The following ANO3 variants were observed in gnomAD, a reference collection of about 807,000 sequenced individuals.
ANO3 encodes anoctamin 3.
In ANO3, 99 loss-of-function variants were observed where a neutral mutation model predicts 144.8. That is an observed-to-expected ratio of 0.68 (90% CI 0.58 to 0.81). The LOEUF (loss-of-function observed/expected upper bound fraction) is 0.81, where lower values mean the gene tolerates loss of function less well. Ranked by LOEUF, ANO3 falls within the 30% of genes least tolerant of loss-of-function variation. The pLI is 0.00. For synonymous variants in ANO3, 414 were observed against 392.6 expected (o/e 1.05, Z -0.64); for missense variants, 905 against 1,202.2 (o/e 0.75, Z 3.66).
intron 4 of ANO3, among the ~76,000 whole-genome samples, chr11:26,470,425 A>G (rs555532196): frequency 1.8e-3 from 273 of 149,390 alleles, no homozygotes; most frequent in South Asian, 6.7e-3. Flanking sequence ...CAAAAAAAAA[A>G]CAGAAAAAAA....
At chr11:26,370,303 A>G (rs1489459392) in intron 1 of ANO3, among the ~76,000 whole-genome samples, 1 of 152,164 alleles carries the variant, frequency 6.6e-6, no homozygotes, top group Non-Finnish European at 1.5e-5. Flanking sequence ...CTGCCATGAA[A>G]AGAAGGACGT....
chr11:26,460,415 AG>A (rs1859346377), intron 3 of ANO3, among the ~76,000 whole-genome samples: 5 of 37,662 alleles, frequency 1.3e-4, no homozygotes, highest in African/African-American at 3.9e-4. Flanking sequence ...AAAAAGAAGA[AG>A]AAAGGGGGGG....
intron 1 of ANO3, among the ~76,000 whole-genome samples, chr11:26,420,100 A>T (rs971074386): frequency 6.6e-6 from 1 of 152,060 alleles, no homozygotes; most frequent in African/African-American, 2.4e-5. Flanking sequence ...TTGTAATCGA[A>T]TTAGATACAT....
chr11:26,397,044 C>G (rs1307169691), intron 1 of ANO3, among the ~76,000 whole-genome samples: 2 of 140,236 alleles, frequency 1.4e-5, no homozygotes, highest in African/African-American at 2.6e-5. Context: ...TCCCTGCAGC[C>G]AGAAGGCTGT....
intron 17 of ANO3, among the ~76,000 whole-genome samples, chr11:26,603,725 G>A (rs141577749): frequency 1.8e-3 from 273 of 152,032 alleles, no homozygotes; most frequent in African/African-American, 6.1e-3. Context: ...TAACAATATT[G>A]GTCCCTCAAT....
chr11:26,256,175 T>C (rs1564936174), intron 1 of ANO3, among the ~76,000 whole-genome samples: 1 of 152,160 alleles, frequency 6.6e-6, no homozygotes, highest in Non-Finnish European at 1.5e-5. Flanking sequence ...CCTCTTTGGA[T>C]TGAAATCACT....
At chr11:26,555,568 T>C (rs1218891090) in intron 13 of ANO3, among the ~76,000 whole-genome samples, 1 of 152,126 alleles carries the variant, frequency 6.6e-6, no homozygotes, top group Non-Finnish European at 1.5e-5. Context: ...ATTCACTTAA[T>C]AACATGTATA....
rs1855067374 is a variant in ANO3, at chr11:26,332,221, C to T, written c.-55C>T. 6.2e-7 allele frequency: 1 copy of T among 1,613,846 alleles called. No individual in the cohort carries two copies. Among genetic ancestry groups the T allele is most frequent in the African/African-American group, 1.3e-5 (1 of 74,882 alleles). On this transcript the variant is annotated 5_prime_UTR_variant, in exon 1 of 27. Transcript: ENST00000256737. ...GAGCGTCTAGAGTCTGGCTACTGTT[C>T]CTCCGCCTCCCTCTCGGGCAGCTCC...
intron 14 of ANO3, among the ~76,000 whole-genome samples, chr11:26,595,240 A>C (rs1590606564): frequency 6.6e-6 from 1 of 152,042 alleles, no homozygotes; most frequent in Non-Finnish European, 1.5e-5. Context: ...TCTTGACCAC[A>C]AAGAAAGGGG....
chr11:26,598,464 C>A lies in ANO3; in HGVS notation c.1530+17C>A. ...GAAGAGGAGGTAAGATGTTAGGATACAAGGAAATAGGGAAACTGGGCTATT... is the reference window on the plus strand; with the variant it reads ...GAAGAGGAGGTAAGATGTTAGGATAAAAGGAAATAGGGAAACTGGGCTATT... On this transcript the variant is annotated intron_variant, in intron 15 of 26. Transcript: ENST00000256737. 1 of 1,537,884 alleles carries A rather than the reference C, an allele frequency of 6.5e-7. No individual in the cohort carries two copies. Among genetic ancestry groups the A allele is most frequent in the Non-Finnish European group, 8.9e-7 (1 of 1,129,516 alleles).
At chr11:26,565,296 C>T (rs770577331) in intron 14 of ANO3, 2 of 1,608,726 alleles carry the variant, frequency 1.2e-6, no homozygotes, top group Non-Finnish European at 1.7e-6. Flanking sequence ...AAGCCATCCA[C>T]TTGGTTCCAC....
At chr11:26,418,247 T>A (rs562445710) in intron 1 of ANO3, among the ~76,000 whole-genome samples, 34 of 152,214 alleles carry the variant, frequency 2.2e-4, no homozygotes, top group Admixed American at 5.9e-4. Flanking sequence ...CTGCTTAGAC[T>A]AGTCAGGGTA....
chr11:26,234,953 C>G (rs1852482682), intron 1 of ANO3, among the ~76,000 whole-genome samples: 1 of 147,732 alleles, frequency 6.8e-6, no homozygotes, highest in East Asian at 2.0e-4. Context: ...CAAGAGAAGG[C>G]TGATTGATGT....
intron 1 of ANO3, among the ~76,000 whole-genome samples, chr11:26,405,646 C>G (rs1224624296): frequency 6.6e-6 from 1 of 151,854 alleles, no homozygotes; most frequent in Non-Finnish European, 1.5e-5. Flanking sequence ...TAAAACAAGA[C>G]CTAACACTGG....
chr11:26,498,905 C>A (rs1861077782), intron 4 of ANO3, among the ~76,000 whole-genome samples: 2 of 151,810 alleles, frequency 1.3e-5, no homozygotes, highest in Non-Finnish European at 3.0e-5. Flanking sequence ...ACAGACATTG[C>A]TTTTACAAAA....
chr11:26,214,200 C>T (rs2133785827), intron 1 of ANO3, among the ~76,000 whole-genome samples: 1 of 151,972 alleles, frequency 6.6e-6, no homozygotes, highest in African/African-American at 2.4e-5. Flanking sequence ...ACAAATGTCA[C>T]CAATGTCTAA....
intron 17 of ANO3, among the ~76,000 whole-genome samples, chr11:26,610,170 C>G (rs967797440): frequency 5.3e-5 from 8 of 152,090 alleles, no homozygotes; most frequent in Admixed American, 4.6e-4. Context: ...CTCAGCCTTC[C>G]TAAGTGCTGG....
chr11:26,346,867 G>A (rs2133907129), intron 1 of ANO3, among the ~76,000 whole-genome samples: 1 of 152,122 alleles, frequency 6.6e-6, no homozygotes, highest in Non-Finnish European at 1.5e-5. Context: ...TTAGACACCG[G>A]CTTTAGTCAA....
chr11:26,441,928 A>G lies in ANO3; in HGVS notation c.57A>G (p.Ile19Met). The G allele has an allele frequency of 6.2e-7, 1 of 1,613,400 alleles. No individual in the cohort carries two copies. Among genetic ancestry groups the G allele is most frequent in the Non-Finnish European group, 8.5e-7 (1 of 1,179,676 alleles). Reference protein sequence around the residue: ...QSFKQQKGMNISKSEITKETS... With the variant: ...QSFKQQKGMNMSKSEITKETS... ...ATTTTGGATTTGCAGGTATGAATAT[A>G]AGCAAGAGTGAGATAACAAAAGAAA... The change falls in exon 2 of 27, where the codon ATA (isoleucine) becomes ATG (methionine). Residue 19 changes from isoleucine (I) to methionine (M), a missense_variant. Physicochemically the swap from Ile to Met is conservative, Grantham distance 10. This residue lies in a region of ANO3 where 174 missense variants were observed against 171.9 expected (regional missense o/e 1.01). Transcript: ENST00000256737.
Sources: allele counts gnomAD v4.1 joint callset (sites outside exome capture counted in the v4.1 genomes callset), GRCh38; gene constraint gnomAD v4.1.1; regional missense constraint gnomAD v4.1.1; transcripts MANE v1.5; gene names NCBI Gene and HGNC (gene_info 2026-07-23, HGNC 2026-07-21).